SGF29: variants seen among roughly 807,000 people sequenced by gnomAD.
SGF29 encodes the protein SAGA-associated factor 29.
SGF29 carries 15 observed loss-of-function variants against 38.1 expected under a neutral mutation model. The ratio of observed to expected loss-of-function variants is 0.39; its 90% confidence interval spans 0.26 to 0.61. The LOEUF (loss-of-function observed/expected upper bound fraction) is 0.61. Ranked by LOEUF, SGF29 falls within the 20% of genes least tolerant of loss-of-function variation. SGF29 has a pLI of 0.49. For missense variants in SGF29, 184 were observed against 394.6 expected (o/e 0.47, Z 4.52); for synonymous variants, 151 against 160.8 (o/e 0.94, Z 0.46).
At chr16:28,573,929 A>G (rs897019791) in intron 1 of SGF29, among the ~76,000 whole-genome samples, 5 of 152,118 alleles carry the variant, frequency 3.3e-5, no homozygotes, top group East Asian at 1.9e-4. Context: ...TGTTTGTGAC[A>G]GTGCTGTGTA....
chr16:28,564,717 GTATATATATACATATATA>G (rs2046822071), intron 1 of SGF29, among the ~76,000 whole-genome samples: 1 of 61,674 alleles, frequency 1.6e-5, no homozygotes, highest in Non-Finnish European at 3.2e-5. Context: ...ACATATATAT[GTATATATATACATATATA>G]TGTATATATG....
chr16:28,591,742 AG>A lies in SGF29; in HGVS notation c.*39del. 6.6e-7 allele frequency: 1 copy of A among 1,506,592 alleles called. No individual in the cohort carries two copies. Among genetic ancestry groups the A allele is most frequent in the Non-Finnish European group, 9.2e-7 (1 of 1,083,720 alleles). The allele number at this position is 1,506,592 out of a possible 1,614,324, so 93.3% of individuals were successfully genotyped here. On this transcript the variant is annotated 3_prime_UTR_variant, in exon 10 of 10. Coordinates refer to ENST00000317058, the MANE Select transcript of SGF29 (RefSeq NM_138414.3). The stretch of plus-strand genomic sequence containing the variant: ...CAGACTCGCCATCCCCCAACGACAC[AG>A]GGCAGGACAGCAGAGGACGTGCTGG...
chr16:28,554,732 T>C (rs1428857678), intron 1 of SGF29, among the ~76,000 whole-genome samples: 5 of 152,172 alleles, frequency 3.3e-5, no homozygotes, highest in African/African-American at 1.2e-4. Flanking sequence ...ATGCCTTTTC[T>C]CCTCCAAGTC....
chr16:28,579,099 G>T (rs1440382179), intron 1 of SGF29, among the ~76,000 whole-genome samples: 1 of 151,350 alleles, frequency 6.6e-6, no homozygotes, highest in African/African-American at 2.4e-5. Context: ...AACAAACTTT[G>T]TAAGATGCAG....
rs182099966 is a variant in SGF29 at position 28,581,152 on chromosome 16, G to A, written c.75+8G>A. 66 of 1,613,290 alleles carry A rather than the reference G, an allele frequency of 4.1e-5. 1 individual carries two copies. The African/African-American group carries it at 8.1e-4, about 20-fold the overall frequency. On this transcript the variant is annotated splice_region_variant and intron_variant, in intron 2 of 9. Coordinates refer to ENST00000317058, the MANE Select transcript of SGF29 (RefSeq NM_138414.3). ...CTGATCAAACAAACCCAGGTAAAAA[G>A]TCACCACCCTCCATTCCCAGATGGG... is the stretch of plus-strand genomic sequence containing the variant.
intron 1 of SGF29, among the ~76,000 whole-genome samples, chr16:28,580,527 C>T (rs2046919074): frequency 1.3e-5 from 2 of 152,190 alleles, no homozygotes; most frequent in South Asian, 4.1e-4. Flanking sequence ...CCAGTCGCTG[C>T]TTCTGTCTGC....
intron 1 of SGF29, among the ~76,000 whole-genome samples, chr16:28,574,685 T>C (rs2046883421): frequency 6.6e-6 from 1 of 152,212 alleles, no homozygotes; most frequent in East Asian, 1.9e-4. Flanking sequence ...CCTTCCCTGA[T>C]CTGGCCACTG....
chr16:28,582,379 T>TGG (rs398119326), intron 2 of SGF29, among the ~76,000 whole-genome samples: 81 of 152,012 alleles, frequency 5.3e-4, no homozygotes, highest in African/African-American at 1.9e-3. Flanking sequence ...GGTACCATGA[T>TGG]GGGGGGCACG....
At chr16:28,583,057 G>A (rs1364033602) in intron 2 of SGF29, among the ~76,000 whole-genome samples, 1 of 152,222 alleles carries the variant, frequency 6.6e-6, no homozygotes, top group Non-Finnish European at 1.5e-5. Flanking sequence ...AGCTGCTGCC[G>A]AGTTCCCAGA....
chr16:28,563,310 C>T (rs1238265811), intron 1 of SGF29, among the ~76,000 whole-genome samples: 3 of 152,100 alleles, frequency 2.0e-5, no homozygotes, highest in Non-Finnish European at 4.4e-5. Flanking sequence ...AGGCAGTGGG[C>T]ACAGTTAGAT....
Position 28,564,666 on chromosome 16 carries a change from C to CATATACGT in SGF29, c.-16+10574_-16+10575insCGTATATA, listed in dbSNP as rs1555474843. ...ATGTGTATATATACGTATATATATG[C>CATATACGT]ATATATATGTATATATATGTGTATA... On this transcript the variant is annotated intron_variant, in intron 1 of 9. Transcript: ENST00000317058. Among the ~76,000 whole-genome samples the CATATACGT allele has an allele frequency of 2.3e-4, 14 of 61,608 alleles. 2 individuals carry two copies. Among genetic ancestry groups the CATATACGT allele is most frequent in the Non-Finnish European group, 4.0e-4 (11 of 27,668 alleles). 40.4% of individuals were successfully genotyped at this position (61,608 alleles called of 152,430 possible).
rs1433756267 is a variant in SGF29, at chr16:28,589,057, G to T, written c.225-43G>T. The stretch of plus-strand genomic sequence containing the variant: ...AAAATGGAAGAGAAGTCTATGCTAT[G>T]TACGTTAACCAAACCCTCTTTCTCC... On this transcript the variant is annotated intron_variant, in intron 4 of 9. Coordinates refer to ENST00000317058, the MANE Select transcript of SGF29 (RefSeq NM_138414.3). 5.6e-6 allele frequency: 9 copies of T among 1,606,968 alleles called. No homozygotes were observed. In the South Asian group the frequency reaches 9.9e-5, roughly 18 times the overall value.
chr16:28,561,038 T>G (rs1198687994), intron 1 of SGF29, among the ~76,000 whole-genome samples: 1 of 151,744 alleles, frequency 6.6e-6, no homozygotes, highest in East Asian at 1.9e-4. Context: ...ACAAGAATTC[T>G]AAAAGAGAAT....
chr16:28,565,554 A>G (rs554248647), intron 1 of SGF29, among the ~76,000 whole-genome samples: 7 of 151,956 alleles, frequency 4.6e-5, no homozygotes, highest in Non-Finnish European at 7.4e-5. Flanking sequence ...CTGGAGTGCA[A>G]TGGCGCGATT....
At chr16:28,580,229 A>G (rs893430015) in intron 1 of SGF29, among the ~76,000 whole-genome samples, 15 of 152,188 alleles carry the variant, frequency 9.9e-5, no homozygotes, top group African/African-American at 3.4e-4. Flanking sequence ...TGACATTCAA[A>G]CATATCAATA....
At chr16:28,569,557 T>G (rs2046852610) in intron 1 of SGF29, among the ~76,000 whole-genome samples, 1 of 151,700 alleles carries the variant, frequency 6.6e-6, no homozygotes, top group African/African-American at 2.4e-5. Flanking sequence ...GAGGCTGAGG[T>G]GGGAGGATCA....
intron 1 of SGF29, among the ~76,000 whole-genome samples, chr16:28,559,784 G>A (rs925376553): frequency 2.0e-4 from 31 of 152,194 alleles, no homozygotes; most frequent in African/African-American, 7.5e-4. Flanking sequence ...GATTTCAGCT[G>A]ATGCTTGCCT....
intron 4 of SGF29, among the ~76,000 whole-genome samples, chr16:28,587,748 T>G (rs940099612): frequency 1.3e-5 from 2 of 152,202 alleles, no homozygotes; most frequent in African/African-American, 4.8e-5. Flanking sequence ...TGCCATGGTA[T>G]CAGAGGAAAA....
chr16:28,581,730 G>C (rs1423103900), intron 2 of SGF29, among the ~76,000 whole-genome samples: 1 of 151,910 alleles, frequency 6.6e-6, no homozygotes, highest in African/African-American at 2.4e-5. Context: ...GTAGAGACGG[G>C]GTTTTGCCAT....
Sources: gnomAD v4.1 joint callset for allele counts (sites outside exome capture counted in the v4.1 genomes callset) on GRCh38, gnomAD v4.1.1 for gene constraint, MANE v1.5 for transcripts, NCBI Gene and HGNC (gene_info 2026-07-23, HGNC 2026-07-21) for gene names.